The following DSCAM variants were observed in gnomAD, a reference collection of about 807,000 sequenced individuals.
DSCAM encodes the protein cell adhesion molecule DSCAM.
In DSCAM, 47 loss-of-function variants were observed where a neutral mutation model predicts 217.7. That is an observed-to-expected ratio of 0.22 (90% CI 0.17 to 0.28). The LOEUF is 0.28. DSCAM is among the 10% of genes least tolerant of loss of function. The pLI, the probability that DSCAM is intolerant of heterozygous loss-of-function variation, is 1.00. For synonymous variants in DSCAM, 1,056 were observed against 1,015.3 expected, an observed-to-expected ratio of 1.04 and a Z score of -0.76; for missense variants, 2,080 against 2,618.3, an observed-to-expected ratio of 0.79 and a Z score of 4.49.
chr21:40,272,144 A>G (rs576957912), intron 11 of DSCAM, among the ~76,000 whole-genome samples: 10 of 151,944 alleles, frequency 6.6e-5, no homozygotes, highest in Admixed American at 6.6e-4. Context: ...GAAGGGGCAC[A>G]TAAGTGGCAT....
intron 32 of DSCAM, among the ~76,000 whole-genome samples, chr21:40,040,898 T>A (rs1297722515): frequency 6.6e-6 from 1 of 151,412 alleles, no homozygotes; most frequent in Non-Finnish European, 1.5e-5. Flanking sequence ...TTTTTCTCCA[T>A]TTGCCTTGCA....
intron 3 of DSCAM, among the ~76,000 whole-genome samples, chr21:40,501,359 G>A (rs982579566): frequency 4.6e-5 from 7 of 152,038 alleles, no homozygotes; most frequent in Middle Eastern, 3.4e-3. Flanking sequence ...GAAATGATGC[G>A]TTTCTACCCA....
At chr21:40,072,337 C>T (rs544837459) in intron 27 of DSCAM, among the ~76,000 whole-genome samples, 95 of 150,990 alleles carry the variant, frequency 6.3e-4, no homozygotes, top group Non-Finnish European at 1.0e-3. Flanking sequence ...CCTGACCGCC[C>T]TCCTGTCAGA....
intron 28 of DSCAM, among the ~76,000 whole-genome samples, chr21:40,058,773 T>C (rs914199268): frequency 3.3e-5 from 5 of 152,238 alleles, no homozygotes. Flanking sequence ...TAACAATTGG[T>C]CATTAGAATG....
chr21:40,630,597 C>G (rs2076432768), intron 3 of DSCAM: 1 of 152,178 alleles, frequency 6.6e-6, no homozygotes, highest in Admixed American at 6.5e-5. Flanking sequence ...CTGCGCCCAG[C>G]CAAAGTAATA....
chr21:40,624,900 C>G (rs184778228), intron 3 of DSCAM, among the ~76,000 whole-genome samples: 1 of 151,964 alleles, frequency 6.6e-6, no homozygotes. Flanking sequence ...CATATTCATA[C>G]CAGTTATTTT....
chr21:40,468,200 T>C (rs550090561), intron 3 of DSCAM, among the ~76,000 whole-genome samples: 2 of 152,268 alleles, frequency 1.3e-5, no homozygotes, highest in South Asian at 2.1e-4. Flanking sequence ...AAATTTAAAA[T>C]TCTCTTTCTC....
intron 3 of DSCAM, among the ~76,000 whole-genome samples, chr21:40,422,956 A>G (rs2075438690): frequency 6.6e-6 from 1 of 152,200 alleles, no homozygotes; most frequent in Non-Finnish European, 1.5e-5. Flanking sequence ...TTTATCAGTA[A>G]AGGTTAAGTA....
In DSCAM at chr21:40,378,593, T is replaced by A. The variant is rs1477474485; in HGVS notation, c.509-9348A>T. The stretch of plus-strand genomic sequence containing the variant: ...TTTTTTTTTTTTTTTTTTTTTTTTT[T>A]TTTTTTTTTTTTTTTTGAGACGGAG... On this transcript the variant is annotated intron_variant, in intron 3 of 32. Transcript: ENST00000400454. Among the ~76,000 whole-genome samples, 10 of 34,106 alleles carry A rather than the reference T, an allele frequency of 2.9e-4. 1 individual carries two copies. Among genetic ancestry groups the A allele is most frequent in the Admixed American group, 2.9e-3 (6 of 2,084 alleles). 22.4% of individuals were successfully genotyped at this position (34,106 alleles called of 152,430 possible).
intron 20 of DSCAM, among the ~76,000 whole-genome samples, chr21:40,113,476 G>T (rs1208743384): frequency 1.3e-5 from 2 of 152,124 alleles, no homozygotes; most frequent in African/African-American, 4.8e-5. Context: ...GGCAAAAACT[G>T]GAAGCATTCC....
chr21:40,208,769 C>T (rs73366233), intron 11 of DSCAM, among the ~76,000 whole-genome samples: 51 of 152,228 alleles, frequency 3.4e-4, no homozygotes, highest in East Asian at 1.4e-3. Flanking sequence ...CCTTGGGTTG[C>T]GAAACAGAAA....
intron 3 of DSCAM, among the ~76,000 whole-genome samples, chr21:40,532,972 C>T (rs941421673): frequency 2.0e-5 from 3 of 151,890 alleles, no homozygotes; most frequent in South Asian, 2.1e-4. Flanking sequence ...CAGGGACCAC[C>T]GTGACAGCCT....
chr21:40,076,104 C>T (rs1473751607), intron 26 of DSCAM, among the ~76,000 whole-genome samples: 2 of 152,112 alleles, frequency 1.3e-5, no homozygotes, highest in African/African-American at 4.8e-5. Context: ...TAATTTCTCC[C>T]TCAGCAAAAC....
intron 19 of DSCAM, among the ~76,000 whole-genome samples, chr21:40,129,675 G>T (rs1280982782): frequency 6.6e-6 from 1 of 152,186 alleles, no homozygotes; most frequent in Admixed American, 6.5e-5. Context: ...ACTACCATAG[G>T]CTATAGAGCA....
At chr21:40,380,259 C>T (rs1249633359) in intron 3 of DSCAM, among the ~76,000 whole-genome samples, 1 of 152,150 alleles carries the variant, frequency 6.6e-6, no homozygotes, top group East Asian at 1.9e-4. Context: ...AATCTTTGCT[C>T]TAGTTAGATT....
chr21:40,591,097 G>T lies in DSCAM; in HGVS notation c.508+101713C>A, dbSNP rs569083650. On this transcript the variant is annotated intron_variant, in intron 3 of 32. Transcript: ENST00000400454. The stretch of plus-strand genomic sequence containing the variant: ...CGTGATAGTGAAGGAGTTCTCACGA[G>T]ATCACATTTTTTTTAGGTGTTTGGT... Among the ~76,000 whole-genome samples, 57 of 133,882 alleles carry T rather than the reference G, an allele frequency of 4.3e-4. 1 individual carries two copies. In the East Asian group the frequency reaches 0.012, roughly 29 times the overall value. 87.8% of individuals were successfully genotyped at this position (133,882 alleles called of 152,430 possible).
chr21:40,017,844 A>G (rs1448299793), intron 32 of DSCAM, among the ~76,000 whole-genome samples: 1 of 152,190 alleles, frequency 6.6e-6, no homozygotes, highest in Non-Finnish European at 1.5e-5. Context: ...GAGCCACCGC[A>G]CCTGGCCCAT....
At chr21:40,239,152 A>G (rs955828181) in intron 11 of DSCAM, among the ~76,000 whole-genome samples, 4 of 152,186 alleles carry the variant, frequency 2.6e-5, no homozygotes, top group African/African-American at 9.7e-5. Flanking sequence ...TGCAGAGAAG[A>G]ATGCACAGCG....
At chr21:40,438,910 A>AT (rs975916619) in intron 3 of DSCAM, among the ~76,000 whole-genome samples, 39 of 150,336 alleles carry the variant, frequency 2.6e-4, no homozygotes, top group South Asian at 4.2e-4. Context: ...AAATTTTACA[A>AT]TTTTTTTTTT....
Sources: allele counts gnomAD v4.1 joint callset (sites outside exome capture counted in the v4.1 genomes callset), GRCh38; gene constraint gnomAD v4.1.1; transcripts MANE v1.5; gene names NCBI Gene and HGNC (gene_info 2026-07-23, HGNC 2026-07-21).